The following CCDC144A variants were observed in gnomAD, a reference collection of about 807,000 sequenced individuals.
CCDC144A encodes the protein coiled-coil domain-containing protein 144A.
CCDC144A carries 41 observed loss-of-function variants against 143.8 expected under a neutral mutation model. That is an observed-to-expected ratio of 0.29 (90% confidence interval 0.22 to 0.37). The LOEUF is 0.37. Among genes scored for constraint, CCDC144A ranks in the 10% least tolerant of loss-of-function variants. CCDC144A has a pLI of 1.00. For synonymous variants in CCDC144A, 242 were observed against 517.9 expected (o/e 0.47, Z 7.23); for missense variants, 637 against 1,488.8 (o/e 0.43, Z 9.41).
upstream of CCDC144A, among the ~76,000 whole-genome samples, chr17:16,688,843 T>C (rs1910886392): frequency 6.6e-6 from 1 of 152,174 alleles, no homozygotes; most frequent in Non-Finnish European, 1.5e-5. Flanking sequence ...TGTTTTCTTA[T>C]ACATAGTTAC....
At chr17:16,724,012 G>A (rs2143196737) in intron 8 of CCDC144A, among the ~76,000 whole-genome samples, 1 of 151,616 alleles carries the variant, frequency 6.6e-6, no homozygotes, top group East Asian at 1.9e-4. Context: ...TTGTAGCTGT[G>A]TTCCACAAAT....
intron 8 of CCDC144A, among the ~76,000 whole-genome samples, chr17:16,722,418 C>T (rs1913144392): frequency 6.6e-6 from 1 of 152,036 alleles, no homozygotes; most frequent in Non-Finnish European, 1.5e-5. Flanking sequence ...CAGAGATTAT[C>T]CCTGTACTCC....
chr17:16,767,205 G>T (rs574399487), intron 15 of CCDC144A: 1 of 149,046 alleles, frequency 6.7e-6, no homozygotes, highest in Non-Finnish European at 1.5e-5. Context: ...TGAGGCAGGA[G>T]AATCGCTTGA....
chr17:16,689,139 T>C (rs1410368296), upstream of CCDC144A, among the ~76,000 whole-genome samples: 1 of 152,084 alleles, frequency 6.6e-6, no homozygotes, highest in Non-Finnish European at 1.5e-5. Context: ...TTCCTTCCTT[T>C]CTTTCTTCCT....
At position 16,716,927 on chromosome 17, in the gene CCDC144A, C is replaced by T. The variant is rs551628383; in HGVS notation, c.1716-3271C>T. ...CTCCTGGGTTCCCGCCATTCTCCTG[C>T]CTCAGCCTCCCGAGTAGCTGGGACT... On this transcript the variant is annotated intron_variant, in intron 6 of 16. Coordinates refer to ENST00000399273, the MANE Select transcript of CCDC144A (RefSeq NM_001382000.1). Among the ~76,000 whole-genome samples, 68 of 151,300 alleles carry T rather than the reference C, an allele frequency of 4.5e-4. 1 individual carries two copies. In the South Asian group the frequency reaches 0.014, roughly 31 times the overall value.
chr17:16,690,790 T>G, intron 1 of CCDC144A, 46 bp downstream of exon 1: 1 of 1,541,302 alleles, frequency 6.5e-7, no homozygotes, highest in Non-Finnish European at 8.8e-7. Context: ...GGACACTGGC[T>G]TTCTGGTGCC....
intron 3 of CCDC144A, chr17:16,705,981 G>T (rs1912031026): frequency 6.5e-6 from 1 of 153,988 alleles, no homozygotes. Context: ...TACTCAGGAG[G>T]CTGAAGCAGG....
At chr17:16,751,329 T>C (rs892727462) in intron 12 of CCDC144A, among the ~76,000 whole-genome samples, 22 of 152,200 alleles carry the variant, frequency 1.4e-4, no homozygotes, top group Admixed American at 2.6e-4. Flanking sequence ...GTGGCTACTT[T>C]CCTGCATTGG....
At chr17:16,772,837 A>G in intron 16 of CCDC144A, 2 of 1,144,084 alleles carry the variant, frequency 1.7e-6, no homozygotes, top group Non-Finnish European at 2.5e-6. Context: ...TGGTATGGAA[A>G]TTGCCTATTT....
chr17:16,711,161 A>AAAAAAAAAAAAAAAAAAAAAT (rs1191359914), intron 5 of CCDC144A, among the ~76,000 whole-genome samples: 3 of 145,836 alleles, frequency 2.1e-5, no homozygotes, highest in Non-Finnish European at 3.0e-5. Context: ...AAAAAAAACA[A>AAAAAAAAAAAAAAAAAAAAAT]AAGTTAGTGG....
chr17:16,763,013 A>T (rs1191659542), intron 14 of CCDC144A, among the ~76,000 whole-genome samples: 2 of 150,244 alleles, frequency 1.3e-5, no homozygotes, highest in Non-Finnish European at 2.9e-5. Context: ...CACTCAGTAA[A>T]TTCACTTTGC....
chr17:16,696,897 G>A (rs1180169179), intron 2 of CCDC144A, among the ~76,000 whole-genome samples: 1 of 151,608 alleles, frequency 6.6e-6, no homozygotes, highest in Non-Finnish European at 1.5e-5. Context: ...AAGGCTGAAA[G>A]GGTGGCTTTT....
At chr17:16,725,640 G>C (rs1266423904) in intron 8 of CCDC144A, among the ~76,000 whole-genome samples, 3 of 151,544 alleles carry the variant, frequency 2.0e-5, no homozygotes, top group Non-Finnish European at 4.4e-5. Flanking sequence ...GAGTGGGAGG[G>C]GGGTGAGGGA....
rs200125785 is a variant in CCDC144A, at chr17:16,705,633, A to G, written c.664+234A>G. 3.9e-4 allele frequency: 193 copies of G among 493,572 alleles called. 1 individual carries two copies. The East Asian group carries it at 7.0e-3, about 18-fold the overall frequency. The allele number at this position is 493,572 out of a possible 1,614,324, so 30.6% of individuals were successfully genotyped here. A position where few individuals can be genotyped will look rare whatever the true frequency, so the allele number is the denominator to read the frequency against. On this transcript the variant is annotated intron_variant, in intron 3 of 16. Transcript: ENST00000399273. ...GATTTTCTTTAGGAAGTAGGATTAT[A>G]TTTAGAATATAGGGACTAAGTATGT...
At chr17:16,667,336 GGCGGCT>G in the CCDC144A span, among the ~76,000 whole-genome samples, 1 of 140,454 alleles carries the variant, frequency 7.1e-6, no homozygotes, top group African/African-American at 3.0e-5. Context: ...AGGAGGCTGA[GGCGGCT>G]GAGGAGCTGA....
At chr17:16,723,040 AT>A (rs56934581) in intron 8 of CCDC144A, among the ~76,000 whole-genome samples, 58 of 147,794 alleles carry the variant, frequency 3.9e-4, no homozygotes, top group Non-Finnish European at 2.1e-4. Context: ...TTTCTCCTCT[AT>A]TTTTTTTTTG....
intron 11 of CCDC144A, among the ~76,000 whole-genome samples, chr17:16,733,719 T>G (rs1913861768): frequency 6.6e-6 from 1 of 151,618 alleles, no homozygotes; most frequent in Non-Finnish European, 1.5e-5. Context: ...CAGAAGTAAT[T>G]GTGGTTTGGT....
chr17:16,730,780 G>A (rs2058105393), intron 9 of CCDC144A, among the ~76,000 whole-genome samples: 1 of 139,746 alleles, frequency 7.2e-6, no homozygotes, highest in Non-Finnish European at 1.5e-5. Context: ...TTAGGTTCTT[G>A]ATTAGATTCT....
chr17:16,734,656 T>C, intron 11 of CCDC144A, 34 bp from the exon 12 acceptor site: 1 of 1,458,016 alleles, frequency 6.9e-7, no homozygotes, highest in Non-Finnish European at 9.1e-7. Flanking sequence ...TGTCATTTTA[T>C]TGAGTGCTAC....
Sources: gnomAD v4.1 joint callset for allele counts (sites outside exome capture counted in the v4.1 genomes callset) on GRCh38, gnomAD v4.1.1 for gene constraint, MANE v1.5 for transcripts, NCBI Gene and HGNC (gene_info 2026-07-23, HGNC 2026-07-21) for gene names.